RHBDD1: variants seen among roughly 807,000 people sequenced by gnomAD.
RHBDD1 encodes rhomboid-related protein 4.
RHBDD1 carries 38 observed loss-of-function variants against 36.3 expected under a neutral mutation model. The observed-to-expected ratio is 1.05, with a 90% CI of 0.81 to 1.37. RHBDD1 has a LOEUF of 1.37. RHBDD1 is among the 40% of genes most tolerant of loss of function. The pLI, the probability that RHBDD1 is intolerant of heterozygous loss-of-function variation, is 0.00. For synonymous variants in RHBDD1, 151 were observed against 136.5 expected (o/e 1.11, Z -0.74); for missense variants, 393 against 377.6 (o/e 1.04, Z -0.34).
chr2:226,953,464 G>A (rs1180363457), intron 8 of RHBDD1, among the ~76,000 whole-genome samples: 1 of 152,128 alleles, frequency 6.6e-6, no homozygotes, highest in Non-Finnish European at 1.5e-5. Context: ...AGACTGCCTT[G>A]GCACTCTGCA....
chr2:226,953,803 GT>G (rs779984598), intron 8 of RHBDD1, among the ~76,000 whole-genome samples: 16 of 152,140 alleles, frequency 1.1e-4, no homozygotes, highest in Non-Finnish European at 1.9e-4. Context: ...GTTTTAATGG[GT>G]TCCAGCGATC....
chr2:226,802,308 C>A, the RHBDD1 span, among the ~76,000 whole-genome samples: 1 of 152,080 alleles, frequency 6.6e-6, no homozygotes, highest in Non-Finnish European at 1.5e-5. Context: ...ATGTTCAGAC[C>A]AATGGGTTTC....
the RHBDD1 span, among the ~76,000 whole-genome samples, chr2:226,812,241 A>G: frequency 6.6e-6 from 1 of 152,340 alleles, no homozygotes; most frequent in Non-Finnish European, 1.5e-5. Context: ...ACTGACTTTA[A>G]AAAAATGGAA....
intron 5 of RHBDD1, among the ~76,000 whole-genome samples, chr2:226,883,421 T>C (rs2125415484): frequency 6.6e-6 from 1 of 152,372 alleles, no homozygotes; most frequent in East Asian, 1.9e-4. Context: ...GGACTCCTGC[T>C]GTCTATACAT....
chr2:226,866,079 TA>T (rs1944301849), intron 4 of RHBDD1, among the ~76,000 whole-genome samples: 1 of 142,512 alleles, frequency 7.0e-6, no homozygotes, highest in East Asian at 2.1e-4. Flanking sequence ...ATTATTTATT[TA>T]TTTTTTTTGA....
chr2:226,818,622 G>C, the RHBDD1 span, among the ~76,000 whole-genome samples: 54 of 151,718 alleles, frequency 3.6e-4, no homozygotes, highest in Admixed American at 1.4e-3. Context: ...GGGTGGATCA[G>C]AAGGTCAGGC....
chr2:226,974,837 T>TTGTATAATTGG (rs1954273948), intron 8 of RHBDD1, among the ~76,000 whole-genome samples: 1 of 152,124 alleles, frequency 6.6e-6, no homozygotes, highest in Non-Finnish European at 1.5e-5. Flanking sequence ...TAATTGGAGA[T>TTGTATAATTGG]CACTCTTTTC....
At chr2:226,839,866 C>T (rs758667636) in intron 3 of RHBDD1, among the ~76,000 whole-genome samples, 10 of 152,074 alleles carry the variant, frequency 6.6e-5, no homozygotes, top group Non-Finnish European at 4.4e-5. Flanking sequence ...TTTTAACTGA[C>T]TGTTGTTTAG....
At chr2:226,934,868 T>C (rs1198066132) in intron 8 of RHBDD1, among the ~76,000 whole-genome samples, 2 of 152,050 alleles carry the variant, frequency 1.3e-5, no homozygotes, top group East Asian at 1.9e-4. Context: ...CTTTTCTTTT[T>C]TTTTTTAAAT....
intron 8 of RHBDD1, among the ~76,000 whole-genome samples, chr2:226,936,224 G>A (rs906788916): frequency 6.6e-6 from 1 of 152,054 alleles, no homozygotes; most frequent in Non-Finnish European, 1.5e-5. Context: ...TTTGATATTT[G>A]AGAATGTATC....
At chr2:226,943,665 A>G (rs1003650070) in intron 8 of RHBDD1, among the ~76,000 whole-genome samples, 1 of 152,062 alleles carries the variant, frequency 6.6e-6, no homozygotes, top group African/African-American at 2.4e-5. Flanking sequence ...TCTTTTGCAC[A>G]CTGTGCTATG....
At chr2:226,881,406 T>C (rs1198986662) in intron 5 of RHBDD1, among the ~76,000 whole-genome samples, 1 of 152,254 alleles carries the variant, frequency 6.6e-6, no homozygotes, top group Non-Finnish European at 1.5e-5. Flanking sequence ...TAACATGCTA[T>C]AAGCTCAGAT....
At chr2:226,953,941 C>G (rs1392670913) in intron 8 of RHBDD1, among the ~76,000 whole-genome samples, 1 of 152,170 alleles carries the variant, frequency 6.6e-6, no homozygotes, top group Non-Finnish European at 1.5e-5. Context: ...TTTGGCTGCT[C>G]TCACATGTGG....
the RHBDD1 span, among the ~76,000 whole-genome samples, chr2:226,822,791 A>G: frequency 6.6e-6 from 1 of 152,136 alleles, no homozygotes; most frequent in East Asian, 1.9e-4. Flanking sequence ...TGACTAAGAC[A>G]TGAGGATGGA....
intron 5 of RHBDD1, among the ~76,000 whole-genome samples, chr2:226,869,559 A>G (rs544538132): frequency 6.6e-6 from 1 of 152,342 alleles, no homozygotes; most frequent in African/African-American, 2.4e-5. Context: ...TTCGGGAGGA[A>G]AAAAAATCTG....
At position 226,873,555 on chromosome 2, in the gene RHBDD1, A is replaced by T. The variant is rs182917180; in HGVS notation, c.566+6237A>T. On this transcript the variant is annotated intron_variant, in intron 5 of 8. Coordinates refer to ENST00000392062, the MANE Select transcript of RHBDD1 (RefSeq NM_001167608.3). ...CTCATAAGCTTCTTGGCAAAGCTGC[A>T]TGTTTCTGTTGAGAGGGGGTTGGTG... 2.6e-5 allele frequency among the ~76,000 whole-genome samples: 4 copies of T among 152,204 alleles called. 1 individual carries two copies. The highest frequency in any genetic ancestry group is 6.5e-5 in the Admixed American group (1 of 15,272).
At chr2:226,899,233 T>C (rs1439650347) in intron 5 of RHBDD1, among the ~76,000 whole-genome samples, 1 of 152,240 alleles carries the variant, frequency 6.6e-6, no homozygotes, top group Admixed American at 6.5e-5. Flanking sequence ...GAACACTGTC[T>C]GTTGGTGTTA....
chr2:226,857,189 T>G (rs1449817071), intron 3 of RHBDD1, among the ~76,000 whole-genome samples: 1 of 151,992 alleles, frequency 6.6e-6, no homozygotes. Flanking sequence ...GCAATGAAAA[T>G]CTAAGCATTT....
At chr2:226,988,087 C>G (rs1389648571) in intron 8 of RHBDD1, among the ~76,000 whole-genome samples, 4 of 152,110 alleles carry the variant, frequency 2.6e-5, no homozygotes, top group Non-Finnish European at 2.9e-5. Flanking sequence ...GGGCCAGGAC[C>G]CAGTGTGTTT....
Sources: allele counts gnomAD v4.1 joint callset (sites outside exome capture counted in the v4.1 genomes callset), GRCh38; gene constraint gnomAD v4.1.1; transcripts MANE v1.5; gene names NCBI Gene and HGNC (gene_info 2026-07-23, HGNC 2026-07-21).